SLC12A8: variants seen among roughly 807,000 people sequenced by gnomAD.
SLC12A8 encodes the protein solute carrier family 12 member 8.
A neutral mutation model predicts 75.6 loss-of-function variants in SLC12A8; 69 were observed. The observed-to-expected ratio is 0.91, with a 90% CI of 0.75 to 1.11. The LOEUF is 1.11. Ranked by LOEUF, SLC12A8 falls within the 50% of genes most tolerant of loss-of-function variation. SLC12A8 has a pLI of 0.00. For missense variants in SLC12A8, 877 were observed against 896.7 expected (o/e 0.98, Z 0.28); for synonymous variants, 365 against 372.8 (o/e 0.98, Z 0.24).
intron 2 of SLC12A8, among the ~76,000 whole-genome samples, chr3:125,210,152 G>A (rs605516): frequency 0.65 from 98,244 of 152,098 alleles, 33,889 homozygotes; most frequent in African/African-American, 0.9. Context: ...CTTGCATTGT[G>A]GTTTTCTGTT....
intron 5 of SLC12A8, among the ~76,000 whole-genome samples, chr3:125,143,162 C>G (rs2107766089): frequency 6.6e-6 from 1 of 152,332 alleles, no homozygotes. Context: ...AACAGTAACC[C>G]TAATTGAGAG....
chr3:125,140,034 A>G (rs1161620840), intron 5 of SLC12A8, among the ~76,000 whole-genome samples: 1 of 152,182 alleles, frequency 6.6e-6, no homozygotes, highest in East Asian at 1.9e-4. Context: ...CAACTTCCCA[A>G]GGCCTGACTG....
chr3:125,151,762 G>A (rs1360292306), intron 5 of SLC12A8, among the ~76,000 whole-genome samples: 1 of 152,180 alleles, frequency 6.6e-6, no homozygotes, highest in Non-Finnish European at 1.5e-5. Context: ...CTCATTTTGA[G>A]TATAACTTTT....
At chr3:125,113,322 T>TA (rs1939231128) in intron 8 of SLC12A8, among the ~76,000 whole-genome samples, 1 of 152,174 alleles carries the variant, frequency 6.6e-6, no homozygotes, top group Non-Finnish European at 1.5e-5. Context: ...CTTACCACTT[T>TA]AAAAAAATAT....
At chr3:125,151,186 CCT>C (rs1933914634) in intron 5 of SLC12A8, 1 of 152,220 alleles carries the variant, frequency 6.6e-6, no homozygotes, top group Admixed American at 6.5e-5. Flanking sequence ...TCTTCCTCCC[CCT>C]CTTTCTTTTT....
At chr3:125,120,543 C>G (rs1933027466) in intron 7 of SLC12A8, 56 bp downstream of exon 7, 2 of 1,293,122 alleles carry the variant, frequency 1.5e-6, no homozygotes, top group African/African-American at 1.5e-5. Flanking sequence ...CCTCTTCTGC[C>G]TGGGGTTTTC....
chr3:125,092,274 G>T, intron 10 of SLC12A8, 76 bp from the exon 11 acceptor site: 2 of 968,942 alleles, frequency 2.1e-6, no homozygotes, highest in Non-Finnish European at 3.2e-6. Flanking sequence ...ATACCTATGA[G>T]CTCCTCTTCC....
At chr3:125,130,194 G>A (rs559770536) in intron 6 of SLC12A8, among the ~76,000 whole-genome samples, 33 of 152,230 alleles carry the variant, frequency 2.2e-4, no homozygotes, top group African/African-American at 7.7e-4. Context: ...TTGACTCATC[G>A]TCTTAGGTAG....
At chr3:125,125,311 A>C (rs1933175390) in intron 6 of SLC12A8, among the ~76,000 whole-genome samples, 1 of 152,138 alleles carries the variant, frequency 6.6e-6, no homozygotes, top group South Asian at 2.1e-4. Flanking sequence ...TAATCCCAGC[A>C]CTTTGGGAGG....
intron 5 of SLC12A8, among the ~76,000 whole-genome samples, chr3:125,141,614 C>T (rs1003458189): frequency 3.3e-5 from 5 of 152,162 alleles, no homozygotes; most frequent in African/African-American, 7.2e-5. Context: ...CTGTGGGCGT[C>T]GGGTTGCACT....
At chr3:125,115,770 G>A (rs1939295983) in intron 8 of SLC12A8, among the ~76,000 whole-genome samples, 1 of 151,892 alleles carries the variant, frequency 6.6e-6, no homozygotes, top group African/African-American at 2.4e-5. Context: ...CGAGCGCCAA[G>A]GAGAGTATGT....
At chr3:125,199,050 T>A (rs1321125930) in intron 2 of SLC12A8, among the ~76,000 whole-genome samples, 1 of 152,124 alleles carries the variant, frequency 6.6e-6, no homozygotes, top group East Asian at 1.9e-4. Flanking sequence ...AGTGCTGGGA[T>A]TATAGGCGTG....
intron 5 of SLC12A8, among the ~76,000 whole-genome samples, chr3:125,163,572 C>G (rs1338918952): frequency 2.7e-5 from 4 of 147,236 alleles, no homozygotes; most frequent in South Asian, 4.3e-4. Context: ...GCACTCCAGC[C>G]TGGGCAACAG....
At chr3:125,136,754 G>A (rs568688269) in intron 5 of SLC12A8, among the ~76,000 whole-genome samples, 1 of 152,066 alleles carries the variant, frequency 6.6e-6, no homozygotes. Flanking sequence ...TTTGTACATC[G>A]ACTTTAACAA....
intron 10 of SLC12A8, among the ~76,000 whole-genome samples, chr3:125,104,848 G>A (rs895309087): frequency 6.6e-6 from 1 of 152,028 alleles, no homozygotes; most frequent in Non-Finnish European, 1.5e-5. Flanking sequence ...TCTAGTGCCT[G>A]GAATATAAAT....
intron 5 of SLC12A8, among the ~76,000 whole-genome samples, chr3:125,136,889 G>A (rs972134880): frequency 6.6e-6 from 1 of 152,150 alleles, no homozygotes; most frequent in African/African-American, 2.4e-5. Flanking sequence ...AAGTGTTGTT[G>A]GTTTCAGGAA....
At chr3:125,116,566 CTGT>C (rs1396157781) in intron 8 of SLC12A8, among the ~76,000 whole-genome samples, 1 of 152,172 alleles carries the variant, frequency 6.6e-6, no homozygotes, top group Non-Finnish European at 1.5e-5. Flanking sequence ...TGTCTCTGGG[CTGT>C]TTTTACCCTA....
At chr3:125,157,850 ATTGT>A (rs769580562) in intron 5 of SLC12A8, among the ~76,000 whole-genome samples, 2 of 152,130 alleles carry the variant, frequency 1.3e-5, no homozygotes, top group Non-Finnish European at 2.9e-5. Flanking sequence ...GGAAATGGTG[ATTGT>A]TTGGTTAGGG....
chr3:125,100,960 C>T (rs1938858609), intron 10 of SLC12A8, among the ~76,000 whole-genome samples: 2 of 144,184 alleles, frequency 1.4e-5, no homozygotes, highest in African/African-American at 2.6e-5. Flanking sequence ...TTGCAGTGAG[C>T]CGAGATTGCG....
Sources: gnomAD v4.1 joint callset for allele counts (sites outside exome capture counted in the v4.1 genomes callset) on GRCh38, gnomAD v4.1.1 for gene constraint, MANE v1.5 for transcripts, NCBI Gene and HGNC (gene_info 2026-07-23, HGNC 2026-07-21) for gene names.